The following CUX2 variants were observed in gnomAD, a reference collection of about 807,000 sequenced individuals.
The protein encoded by CUX2 is homeobox protein cut-like 2.
Under a neutral mutation model 144.8 loss-of-function variants are expected in CUX2, and 40 were observed. The ratio of observed to expected loss-of-function variants is 0.28; its 90% CI spans 0.21 to 0.36. The LOEUF (loss-of-function observed/expected upper bound fraction) is 0.36. CUX2 is among the 10% of genes least tolerant of loss of function. The probability of loss-of-function intolerance (pLI) is 1.00; values close to 1 mark genes in which losing one functional copy is unlikely to be tolerated. For missense variants in CUX2, 1,615 were observed against 1,994.0 expected (o/e 0.81, Z 3.62); for synonymous variants, 827 against 875.6 (o/e 0.94, Z 0.98).
rs773666994 is a variant in CUX2 at position 111,347,918 on chromosome 12, G to A, written c.4054G>A (p.Gly1352Ser). 1.2e-5 allele frequency: 20 copies of A among 1,614,006 alleles called. No homozygotes were observed. Among genetic ancestry groups the A allele is most frequent in the Non-Finnish European group, 1.7e-5 (20 of 1,180,028 alleles). ...AGTGGCTCCCGGGCCCCTCCTTCCA[G>A]GTGGATCCACCCCAGACTGTCCCTC... ...PKVAPGPLLP[G>S]GSTPDCPSLH... The change falls in exon 22 of 22, where the codon GGT (glycine) becomes AGT (serine). Residue 1352 changes from glycine to serine, a missense_variant. By Grantham distance (56) the Gly-to-Ser change is moderately conservative. Coordinates refer to ENST00000261726, the MANE Select transcript of CUX2 (RefSeq NM_015267.4).
intron 3 of CUX2, among the ~76,000 whole-genome samples, chr12:111,245,094 G>C (rs1299301408): frequency 6.6e-6 from 1 of 152,180 alleles, no homozygotes; most frequent in African/African-American, 2.4e-5. Context: ...TCTCCCCACA[G>C]AGCATAGGGG....
At chr12:111,282,315 C>T (rs1885152910) in intron 4 of CUX2, among the ~76,000 whole-genome samples, 1 of 128,176 alleles carries the variant, frequency 7.8e-6, no homozygotes, top group African/African-American at 2.9e-5. Context: ...GAGCGAAACC[C>T]CATCTCAAAA....
At position 111,333,209 on chromosome 12, in the gene CUX2, A is replaced by C. The variant is rs139688398; in HGVS notation, c.2927-1232A>C. On this transcript the variant is annotated intron_variant, in intron 18 of 21. Transcript: ENST00000261726. ...GGGTGAAGTTTTTTGAGACAGAGTG[A>C]AACTCTTGTCTCAAAAAAAGAAAAG... is the stretch of plus-strand genomic sequence containing the variant. 1.2e-3 allele frequency among the ~76,000 whole-genome samples: 180 copies of C among 152,092 alleles called. 2 individuals are homozygous for C. Among genetic ancestry groups the C allele is most frequent in the African/African-American group, 4.0e-3 (165 of 41,504 alleles).
At chr12:111,151,541 G>T (rs1003617898) in intron 1 of CUX2, among the ~76,000 whole-genome samples, 6 of 152,176 alleles carry the variant, frequency 3.9e-5, no homozygotes, top group Non-Finnish European at 8.8e-5. Flanking sequence ...TCGCAGTTTC[G>T]TCTGGATTTG....
Position 111,160,521 on chromosome 12 carries a change from A to T in CUX2, c.64-53679A>T, listed in dbSNP as rs973312352. Among the ~76,000 whole-genome samples the T allele has an allele frequency of 6.6e-6, 1 of 151,892 alleles. No homozygotes were observed. The highest frequency in any genetic ancestry group is 2.4e-5 in the African/African-American group (1 of 41,332). On this transcript the variant is annotated intron_variant, in intron 1 of 21. Coordinates refer to ENST00000261726, the MANE Select transcript of CUX2 (RefSeq NM_015267.4). The surrounding 1 kb of genome is among the most constrained non-coding windows in gnomAD (Gnocchi z 4.1). ...AGGGAGGGCCCTTCCTGGTCCAAGA[A>T]CTCGCGTGACCCGGCACAGAGGGGG...
chr12:111,238,004 C>G (rs992513277), intron 3 of CUX2, among the ~76,000 whole-genome samples: 1 of 152,162 alleles, frequency 6.6e-6, no homozygotes, highest in African/African-American at 2.4e-5. Flanking sequence ...CTGTGACAAC[C>G]GAAAATGTCT....
chr12:111,274,776 G>A (rs754465131), intron 4 of CUX2, among the ~76,000 whole-genome samples: 3 of 152,180 alleles, frequency 2.0e-5, no homozygotes. Flanking sequence ...CTTCTGTCTC[G>A]AAGATATTTT....
intron 1 of CUX2, among the ~76,000 whole-genome samples, chr12:111,041,025 A>G (rs2100109584): frequency 6.6e-6 from 1 of 152,032 alleles, no homozygotes; most frequent in Non-Finnish European, 1.5e-5. Context: ...AGTTCCCAAA[A>G]CTTGTTCTTG....
intron 9 of CUX2, among the ~76,000 whole-genome samples, chr12:111,299,703 A>AT (rs1427913673): frequency 1.3e-5 from 2 of 152,112 alleles, no homozygotes; most frequent in Non-Finnish European, 2.9e-5. Context: ...TTTTAGAATG[A>AT]TTTTTTGAAT....
intron 1 of CUX2, among the ~76,000 whole-genome samples, chr12:111,104,153 A>C (rs1186164552): frequency 3.9e-5 from 6 of 152,086 alleles, no homozygotes; most frequent in Non-Finnish European, 8.8e-5. Flanking sequence ...CTTGGGGCAC[A>C]ATCATCTTTT....
At chr12:111,049,388 C>T (rs558813130) in intron 1 of CUX2, among the ~76,000 whole-genome samples, 42 of 152,342 alleles carry the variant, frequency 2.8e-4, no homozygotes, top group African/African-American at 8.7e-4. Context: ...AACATCTACT[C>T]AGCCAACACT....
intron 12 of CUX2, 57 bp from the exon 13 acceptor site, chr12:111,308,227 AC>A: frequency 6.2e-7 from 1 of 1,600,032 alleles, no homozygotes; most frequent in Non-Finnish European, 8.6e-7. Flanking sequence ...CTCTTGAAAG[AC>A]CTCTCCTCCA....
At chr12:111,179,307 A>G (rs931059124) in intron 1 of CUX2, among the ~76,000 whole-genome samples, 1 of 152,206 alleles carries the variant, frequency 6.6e-6, no homozygotes, top group Non-Finnish European at 1.5e-5. Context: ...TAAGATGGGC[A>G]TAATACCAAC....
At chr12:111,144,702 G>T (rs1227425855) in intron 1 of CUX2, among the ~76,000 whole-genome samples, 1 of 152,236 alleles carries the variant, frequency 6.6e-6, no homozygotes, top group Non-Finnish European at 1.5e-5. Flanking sequence ...ATGAACGAAT[G>T]AATGCCTTTA....
At chr12:111,096,176 C>T (rs945694027) in intron 1 of CUX2, among the ~76,000 whole-genome samples, 1 of 152,130 alleles carries the variant, frequency 6.6e-6, no homozygotes, top group Non-Finnish European at 1.5e-5. Context: ...GTGCTCAGAG[C>T]AGTTATCACC....
intron 1 of CUX2, among the ~76,000 whole-genome samples, chr12:111,121,848 A>G (rs575739597): frequency 6.6e-6 from 1 of 152,058 alleles, no homozygotes; most frequent in East Asian, 1.9e-4. Flanking sequence ...ATTTGGGGTA[A>G]GGTCTTGCCT....
chr12:111,149,257 A>G (rs1876889570), intron 1 of CUX2, among the ~76,000 whole-genome samples: 1 of 152,064 alleles, frequency 6.6e-6, no homozygotes, highest in Non-Finnish European at 1.5e-5. Context: ...TTAAAACATC[A>G]TGAGTTTTGT....
chr12:111,053,221 G>T (rs1870364625), intron 1 of CUX2, among the ~76,000 whole-genome samples: 1 of 152,182 alleles, frequency 6.6e-6, no homozygotes, highest in South Asian at 2.1e-4. Flanking sequence ...ACATACCAGG[G>T]GCTCCAGAAA....
At chr12:111,191,999 G>A (rs570027971) in intron 1 of CUX2, among the ~76,000 whole-genome samples, 1 of 152,254 alleles carries the variant, frequency 6.6e-6, no homozygotes. Context: ...AATTATGGGG[G>A]CTTTTTATTG....
Sources: allele counts gnomAD v4.1 joint callset (sites outside exome capture counted in the v4.1 genomes callset), GRCh38; gene constraint gnomAD v4.1.1; non-coding constraint Gnocchi (gnomAD v3.1); transcripts MANE v1.5; gene names NCBI Gene and HGNC (gene_info 2026-07-23, HGNC 2026-07-21).